Variants in TCF7L2 observed in about 807,000 individuals in gnomAD.
TCF7L2 encodes transcription factor 7-like 2.
Under a neutral mutation model 77.9 loss-of-function variants are expected in TCF7L2, and 23 were observed. The observed-to-expected ratio is 0.30, with a 90% CI of 0.21 to 0.42. TCF7L2 has a LOEUF of 0.42. TCF7L2 is among the 10% of genes least tolerant of loss of function. The pLI, the probability that TCF7L2 is intolerant of heterozygous loss-of-function variation, is 1.00. For synonymous variants in TCF7L2, 413 were observed against 340.2 expected (o/e 1.21, Z -2.36); for missense variants, 654 against 793.1 (o/e 0.82, Z 2.11).
chr10:113,056,161 T>A (rs991329344), intron 5 of TCF7L2, among the ~76,000 whole-genome samples: 2 of 152,194 alleles, frequency 1.3e-5, no homozygotes, highest in African/African-American at 4.8e-5. Flanking sequence ...AACAGGCTCC[T>A]TGAAGCAATT....
intron 8 of TCF7L2, among the ~76,000 whole-genome samples, chr10:113,148,010 C>T (rs1009908241): frequency 6.6e-6 from 1 of 151,978 alleles, no homozygotes; most frequent in Non-Finnish European, 1.5e-5. Context: ...GATAATGGGG[C>T]GACAGAAGTA....
Position 113,165,846 on chromosome 10 carries a change from C to CGCTTT in TCF7L2, c.1686_1690dup (p.Gln564LeufsTer40). On this transcript the variant is annotated frameshift_variant, in exon 14 of 14. Transcript: ENST00000627217. LOFTEE classifies it high-confidence loss of function. ...ACGGGGCCCTGGACCTGCCCCCAGC[C>CGCTTT]GCTTTGCAGCCTGCCGCCCCCTCCT... 2 of 1,607,546 alleles carry CGCTTT rather than the reference C, an allele frequency of 1.2e-6. No individual in the cohort carries two copies. The highest frequency in any genetic ancestry group is 1.7e-6 in the Non-Finnish European group (2 of 1,176,020).
chr10:112,977,738 AAG>A (rs975671052), intron 4 of TCF7L2, among the ~76,000 whole-genome samples: 2 of 152,200 alleles, frequency 1.3e-5, no homozygotes, highest in African/African-American at 4.8e-5. Context: ...ACATTAGTCA[AAG>A]AGGGGACCAC....
At chr10:112,956,270 G>A in intron 3 of TCF7L2, among the ~76,000 whole-genome samples, 1 of 151,144 alleles carries the variant, frequency 6.6e-6, no homozygotes, top group Non-Finnish European at 1.5e-5. Context: ...TTTAGCAAAT[G>A]CTCTCTCCTG....
intron 5 of TCF7L2, among the ~76,000 whole-genome samples, chr10:113,104,586 C>T (rs1028033395): frequency 6.6e-6 from 1 of 152,202 alleles, no homozygotes; most frequent in Non-Finnish European, 1.5e-5. Flanking sequence ...ATACCATACT[C>T]TACAATTCTA....
chr10:113,148,657 C>T (rs1336738122), intron 8 of TCF7L2, among the ~76,000 whole-genome samples: 3 of 152,122 alleles, frequency 2.0e-5, no homozygotes, highest in African/African-American at 7.2e-5. Context: ...GGCTTGGAGC[C>T]ATGAAAGCAG....
intron 4 of TCF7L2, among the ~76,000 whole-genome samples, chr10:113,012,731 T>C (rs1025413413): frequency 2.0e-5 from 3 of 152,220 alleles, no homozygotes; most frequent in African/African-American, 7.2e-5. Context: ...TTCATTTCTG[T>C]AGCTTCCTTC....
At chr10:113,165,416 A>C in intron 13 of TCF7L2, 139 bp from the exon 15 acceptor site, 1 of 925,380 alleles carries the variant, frequency 1.1e-6, no homozygotes, top group Non-Finnish European at 1.7e-6. Context: ...GCGCCACTGT[A>C]ATTGTCCTCG....
At chr10:113,118,523 GT>G (rs2064206258) in intron 5 of TCF7L2, among the ~76,000 whole-genome samples, 30 of 91,394 alleles carry the variant, frequency 3.3e-4, no homozygotes, top group South Asian at 5.5e-4. Flanking sequence ...TCTGGGGGGT[GT>G]GTGTGTGTGT....
At chr10:113,153,498 G>A (rs1208748171) in intron 11 of TCF7L2, among the ~76,000 whole-genome samples, 8 of 152,190 alleles carry the variant, frequency 5.3e-5, no homozygotes, top group African/African-American at 9.7e-5. Context: ...GGCATCATCC[G>A]CGGTGAAGCA....
intron 5 of TCF7L2, among the ~76,000 whole-genome samples, chr10:113,053,536 T>C (rs1162196360): frequency 1.3e-5 from 2 of 152,172 alleles, no homozygotes; most frequent in Non-Finnish European, 2.9e-5. Flanking sequence ...CTGCAAATGA[T>C]AGACCGGAGC....
chr10:113,153,116 G>A (rs1398196993), intron 11 of TCF7L2, among the ~76,000 whole-genome samples: 1 of 152,184 alleles, frequency 6.6e-6, no homozygotes, highest in Non-Finnish European at 1.5e-5. Flanking sequence ...TACAGGATCT[G>A]CCTAGTCCTC....
chr10:113,067,163 CATATT>C (rs2057365372), intron 5 of TCF7L2, among the ~76,000 whole-genome samples: 1 of 152,166 alleles, frequency 6.6e-6, no homozygotes, highest in Non-Finnish European at 1.5e-5. Flanking sequence ...TGGTTATTAA[CATATT>C]ATGTGAATTG....
chr10:113,119,965 C>T (rs116946093), intron 5 of TCF7L2, among the ~76,000 whole-genome samples: 2,627 of 152,292 alleles, frequency 0.017, 46 homozygotes, highest in South Asian at 0.023. Flanking sequence ...ATTAATTCCA[C>T]GGGCAGTGAT....
intron 3 of TCF7L2, among the ~76,000 whole-genome samples, chr10:112,963,537 G>A (rs2035827235): frequency 6.6e-6 from 1 of 152,124 alleles, no homozygotes; most frequent in Admixed American, 6.5e-5. Context: ...AATTTCACAG[G>A]GTCATCTGAT....
chr10:113,120,226 G>A (rs1203541619), intron 5 of TCF7L2, among the ~76,000 whole-genome samples: 1 of 152,164 alleles, frequency 6.6e-6, no homozygotes, highest in Non-Finnish European at 1.5e-5. Flanking sequence ...AGATTGAGGG[G>A]TAGTATATTT....
intron 4 of TCF7L2, among the ~76,000 whole-genome samples, chr10:112,985,860 TTGTGTGTG>T (rs61481377): frequency 3.4e-5 from 5 of 146,706 alleles, no homozygotes; most frequent in African/African-American, 7.5e-5. Flanking sequence ...AGCCTGTAGT[TTGTGTGTG>T]TGTGTGTGTG....
At chr10:113,107,969 G>T (rs1445276926) in intron 5 of TCF7L2, among the ~76,000 whole-genome samples, 2 of 152,060 alleles carry the variant, frequency 1.3e-5, no homozygotes, top group Non-Finnish European at 2.9e-5. Context: ...AGTAAAAACT[G>T]AATGTAAGGA....
chr10:113,122,623 C>G (rs536314334), intron 5 of TCF7L2, among the ~76,000 whole-genome samples: 61 of 152,264 alleles, frequency 4.0e-4, no homozygotes, highest in African/African-American at 1.4e-3. Flanking sequence ...AGATTTTGTA[C>G]TGGCCCATCA....
Sources: gnomAD v4.1 joint callset for allele counts (sites outside exome capture counted in the v4.1 genomes callset) on GRCh38, gnomAD v4.1.1 for gene constraint, MANE v1.5 for transcripts, NCBI Gene and HGNC (gene_info 2026-07-23, HGNC 2026-07-21) for gene names.